Variants in MKLN1 observed in about 807,000 individuals in gnomAD.
MKLN1 encodes the protein muskelin 1.
Under a neutral mutation model 99.0 loss-of-function variants are expected in MKLN1, and 18 were observed. The observed-to-expected ratio is 0.18, with a 90% confidence interval of 0.13 to 0.27. MKLN1 has a LOEUF of 0.27. MKLN1 is among the 10% of genes least tolerant of loss of function. MKLN1 has a pLI of 1.00. For synonymous variants in MKLN1, 288 were observed against 293.2 expected, an observed-to-expected ratio of 0.98 and a Z score of 0.18; for missense variants, 621 against 875.9, an observed-to-expected ratio of 0.71 and a Z score of 3.67.
intron 7 of MKLN1, among the ~76,000 whole-genome samples, chr7:131,412,005 T>C (rs1048340202): frequency 6.7e-6 from 1 of 149,634 alleles, no homozygotes; most frequent in Non-Finnish European, 1.5e-5. Flanking sequence ...AAGGGTGGCT[T>C]GAGCCTGGGA....
chr7:131,174,906 G>A (rs1796270133), intron 2 of MKLN1, among the ~76,000 whole-genome samples: 1 of 152,122 alleles, frequency 6.6e-6, no homozygotes, highest in East Asian at 1.9e-4. Flanking sequence ...GACAGGGCAA[G>A]TCTGTTCTCT....
intron 3 of MKLN1, among the ~76,000 whole-genome samples, chr7:131,278,106 G>A (rs1484706905): frequency 1.8e-4 from 28 of 151,934 alleles, no homozygotes; most frequent in Non-Finnish European, 4.4e-5. Flanking sequence ...ACAGTGGCGT[G>A]ATCTCAGCTC....
chr7:131,159,938 G>A (rs1796022057), intron 2 of MKLN1, among the ~76,000 whole-genome samples: 1 of 152,082 alleles, frequency 6.6e-6, no homozygotes, highest in South Asian at 2.1e-4. Flanking sequence ...TAGGAACATG[G>A]CTCAAAGTCA....
chr7:131,463,137 G>T, intron 12 of MKLN1, 80 bp from the exon 13 acceptor site: 6 of 1,255,238 alleles, frequency 4.8e-6, no homozygotes, highest in Non-Finnish European at 5.6e-6. Flanking sequence ...AAAAAAGAAA[G>T]AAAAGAAAGG....
chr7:131,461,241 T>C (rs1300416958), intron 12 of MKLN1, among the ~76,000 whole-genome samples: 1 of 141,116 alleles, frequency 7.1e-6, no homozygotes, highest in Non-Finnish European at 1.5e-5. Context: ...TTATGGGTTT[T>C]GTTTTTTGTT....
intron 8 of MKLN1, among the ~76,000 whole-genome samples, chr7:131,418,270 G>A (rs936340338): frequency 4.6e-5 from 7 of 151,490 alleles, no homozygotes; most frequent in African/African-American, 7.3e-5. Flanking sequence ...TCGGGGGGCC[G>A]AGGCAGGAGA....
chr7:131,188,030 A>T (rs996689953), intron 2 of MKLN1, among the ~76,000 whole-genome samples: 2 of 152,144 alleles, frequency 1.3e-5, no homozygotes, highest in African/African-American at 4.8e-5. Flanking sequence ...ATAAATAACA[A>T]CCACCTAAAT....
intron 1 of MKLN1, among the ~76,000 whole-genome samples, chr7:131,124,410 A>C (rs1165356219): frequency 6.6e-6 from 1 of 152,110 alleles, no homozygotes; most frequent in Non-Finnish European, 1.5e-5. Flanking sequence ...ACAATAAGGC[A>C]CCTGGCCAGT....
rs544947183 is a variant in MKLN1, at chr7:131,142,087, G to A, written c.-418-733G>A. ...AGCCCAGGAGTTTGAGACCAGCCTGGGCAACATGGCAAGTCTCTCTCTACA... is the reference window on the plus strand; with the variant it reads ...AGCCCAGGAGTTTGAGACCAGCCTGAGCAACATGGCAAGTCTCTCTCTACA... On this transcript the variant is annotated intron_variant, in intron 1 of 7. Coordinates refer to the MKLN1 transcript ENST00000416992. Among the ~76,000 whole-genome samples, 6 of 151,972 alleles carry A rather than the reference G, an allele frequency of 3.9e-5. No homozygotes were observed. The South Asian group carries it at 6.2e-4, about 16-fold the overall frequency.
chr7:131,433,646 T>C (rs1382528205), intron 9 of MKLN1, among the ~76,000 whole-genome samples: 2 of 152,236 alleles, frequency 1.3e-5, no homozygotes, highest in Non-Finnish European at 2.9e-5. Context: ...CAAAAATCAA[T>C]TGATCATGTA....
intron 3 of MKLN1, among the ~76,000 whole-genome samples, chr7:131,318,857 A>C (rs1798718633): frequency 6.6e-6 from 1 of 152,214 alleles, no homozygotes; most frequent in African/African-American, 2.4e-5. Flanking sequence ...GAAATGGATA[A>C]ATTCCTGGAC....
At chr7:131,202,308 G>A (rs940061158) in intron 2 of MKLN1, among the ~76,000 whole-genome samples, 2 of 151,688 alleles carry the variant, frequency 1.3e-5, no homozygotes, top group South Asian at 2.1e-4. Context: ...TAGAGACAGG[G>A]GTTTCACCAT....
intron 3 of MKLN1, among the ~76,000 whole-genome samples, chr7:131,207,227 G>C (rs757412711): frequency 6.6e-6 from 1 of 152,184 alleles, no homozygotes; most frequent in Middle Eastern, 3.4e-3. Flanking sequence ...TTTTGAGACA[G>C]AGTCTCACTC....
At chr7:131,328,069 G>A in intron 1 of MKLN1, 72 bp downstream of exon 1, 1 of 1,524,670 alleles carries the variant, frequency 6.6e-7, no homozygotes, top group South Asian at 1.2e-5. Context: ...GGGTGCAATG[G>A]AGGGCAGCCG....
intron 3 of MKLN1, among the ~76,000 whole-genome samples, chr7:131,247,861 T>C (rs1797515578): frequency 6.6e-6 from 1 of 152,070 alleles, no homozygotes; most frequent in Non-Finnish European, 1.5e-5. Flanking sequence ...AACTTCTCTC[T>C]GCTACTGCCT....
At chr7:131,258,008 C>A (rs1056484277) in intron 3 of MKLN1, among the ~76,000 whole-genome samples, 3 of 151,604 alleles carry the variant, frequency 2.0e-5, no homozygotes, top group African/African-American at 7.3e-5. Flanking sequence ...GTCGTCCCAG[C>A]TACTTGGGAG....
chr7:131,209,083 A>T (rs13221321), intron 3 of MKLN1, among the ~76,000 whole-genome samples: 65,288 of 151,960 alleles, frequency 0.43, 14,429 homozygotes, highest in East Asian at 0.69. Context: ...AGAGAACAGA[A>T]GGTTCCGACA....
At chr7:131,472,367 G>T (rs1192468964) in intron 16 of MKLN1, 1 of 152,118 alleles carries the variant, frequency 6.6e-6, no homozygotes, top group Non-Finnish European at 1.5e-5. Context: ...AAGACAGTTT[G>T]TTCTTAAAGT....
chr7:131,219,621 G>T (rs1362162634), intron 3 of MKLN1, among the ~76,000 whole-genome samples: 1 of 152,068 alleles, frequency 6.6e-6, no homozygotes, highest in Non-Finnish European at 1.5e-5. Context: ...GTGGGAGGAA[G>T]TCTGTGAAAT....
Sources: allele counts gnomAD v4.1 joint callset (sites outside exome capture counted in the v4.1 genomes callset), GRCh38; gene constraint gnomAD v4.1.1; transcripts MANE v1.5; gene names NCBI Gene and HGNC (gene_info 2026-07-23, HGNC 2026-07-21).